PTPRT: variants seen among roughly 807,000 people sequenced by gnomAD.
PTPRT encodes the protein receptor-type tyrosine-protein phosphatase T.
A neutral mutation model predicts 176.8 loss-of-function variants in PTPRT; 56 were observed. The ratio of observed to expected loss-of-function variants is 0.32; its 90% CI spans 0.26 to 0.40. The LOEUF (loss-of-function observed/expected upper bound fraction) is 0.40, where lower values mean the gene tolerates loss of function less well. Among genes scored for constraint, PTPRT ranks in the 10% least tolerant of loss-of-function variants. The pLI is 1.00. For missense variants in PTPRT, 1,540 were observed against 1,908.2 expected (o/e 0.81, Z 3.60); for synonymous variants, 783 against 739.0 (o/e 1.06, Z -0.96).
chr20:42,184,547 T>TCTTCTTCTTCTTCTTCTTCG (rs1568652207), intron 16 of PTPRT, among the ~76,000 whole-genome samples: 2 of 105,278 alleles, frequency 1.9e-5, no homozygotes, highest in African/African-American at 8.6e-5. Context: ...CTTCCTCTTC[T>TCTTCTTCTTCTTCTTCTTCG]TCTTCTTCTT....
chr20:42,954,250 G>A (rs1981472367), intron 1 of PTPRT, among the ~76,000 whole-genome samples: 1 of 152,184 alleles, frequency 6.6e-6, no homozygotes, highest in Admixed American at 6.5e-5. Flanking sequence ...GACCTTGCAA[G>A]CAGATCAGAT....
At chr20:42,517,571 G>A (rs1216914985) in intron 7 of PTPRT, among the ~76,000 whole-genome samples, 1 of 151,858 alleles carries the variant, frequency 6.6e-6, no homozygotes, top group Admixed American at 6.6e-5. Flanking sequence ...TTTGAAGTGT[G>A]ATGCATAGTC....
chr20:43,133,899 C>T (rs117176545), intron 1 of PTPRT, among the ~76,000 whole-genome samples: 1,946 of 152,266 alleles, frequency 0.013, 16 homozygotes, highest in East Asian at 0.042. Flanking sequence ...ACTGGCATTT[C>T]TCACAAGTTC....
the PTPRT span, among the ~76,000 whole-genome samples, chr20:42,043,966 G>A: frequency 6.6e-6 from 1 of 152,152 alleles, no homozygotes; most frequent in African/African-American, 2.4e-5. Flanking sequence ...GCTTTGTAAA[G>A]GAACAAGTAA....
chr20:43,179,321 T>C (rs977089634), intron 1 of PTPRT, among the ~76,000 whole-genome samples: 3 of 152,234 alleles, frequency 2.0e-5, no homozygotes, highest in Non-Finnish European at 4.4e-5. Context: ...CTATAACTTA[T>C]CATATTCTCT....
chr20:42,386,057 A>C (rs8125633), intron 9 of PTPRT, among the ~76,000 whole-genome samples: 21,315 of 152,198 alleles, frequency 0.14, 1,650 homozygotes, highest in East Asian at 0.24. Flanking sequence ...CACATATATA[A>C]AGCTTTGAAT....
chr20:42,820,539 G>T (rs886987865), intron 2 of PTPRT, among the ~76,000 whole-genome samples: 8 of 151,968 alleles, frequency 5.3e-5, no homozygotes, highest in Non-Finnish European at 8.8e-5. Flanking sequence ...TAATCCAAAA[G>T]CTAGCAGAAG....
chr20:42,682,305 G>A (rs2075617058), intron 6 of PTPRT, among the ~76,000 whole-genome samples: 1 of 152,160 alleles, frequency 6.6e-6, no homozygotes, highest in Non-Finnish European at 1.5e-5. Flanking sequence ...ATATGGATAT[G>A]TGACTCACTG....
chr20:42,187,298 A>G (rs1028690282), intron 16 of PTPRT, among the ~76,000 whole-genome samples: 5 of 152,148 alleles, frequency 3.3e-5, no homozygotes, highest in Admixed American at 6.5e-5. Flanking sequence ...ACATCTGTCT[A>G]TTCTACAGGT....
At chr20:42,478,466 C>T (rs973937545) in intron 7 of PTPRT, among the ~76,000 whole-genome samples, 5 of 152,078 alleles carry the variant, frequency 3.3e-5, no homozygotes, top group African/African-American at 4.8e-5. Context: ...TCCTAATACC[C>T]GAGCCCACCC....
chr20:42,370,237 G>A (rs1600906716), intron 9 of PTPRT, among the ~76,000 whole-genome samples: 1 of 152,202 alleles, frequency 6.6e-6, no homozygotes, highest in African/African-American at 2.4e-5. Flanking sequence ...AACAGCCCAG[G>A]AAGCAGCTGT....
chr20:43,163,566 A>G (rs1175735011), intron 1 of PTPRT, among the ~76,000 whole-genome samples: 1 of 151,902 alleles, frequency 6.6e-6, no homozygotes, highest in African/African-American at 2.4e-5. Flanking sequence ...TGAACCCAGG[A>G]GGCAGAGCTT....
chr20:43,177,746 C>A (rs944299113), intron 1 of PTPRT, among the ~76,000 whole-genome samples: 2 of 152,210 alleles, frequency 1.3e-5, no homozygotes, highest in African/African-American at 2.4e-5. Flanking sequence ...AGAAGTCTGA[C>A]TTCATCAAGT....
intron 6 of PTPRT, among the ~76,000 whole-genome samples, chr20:42,754,155 C>A (rs1353197894): frequency 6.6e-6 from 1 of 151,740 alleles, no homozygotes; most frequent in Non-Finnish European, 1.5e-5. Context: ...CCCTGTGTCA[C>A]ATAATACAAA....
chr20:42,992,411 C>G (rs1463061664), intron 1 of PTPRT, among the ~76,000 whole-genome samples: 1 of 152,216 alleles, frequency 6.6e-6, no homozygotes, highest in African/African-American at 2.4e-5. Flanking sequence ...GGAGGAAACT[C>G]AGTCTATTGG....
intron 1 of PTPRT, among the ~76,000 whole-genome samples, chr20:42,947,075 C>A (rs1233284241): frequency 6.6e-6 from 1 of 152,166 alleles, no homozygotes; most frequent in African/African-American, 2.4e-5. Context: ...GGATTTTGAG[C>A]CGTGCTTCCA....
chr20:42,404,963 G>T (rs1321655592), intron 9 of PTPRT, among the ~76,000 whole-genome samples: 2 of 27,072 alleles, frequency 7.4e-5, no homozygotes, highest in East Asian at 7.9e-4. Context: ...TGAATAGAGG[G>T]CCAATTAATT....
chr20:42,908,319 C>A (rs2079504647), intron 1 of PTPRT, among the ~76,000 whole-genome samples: 1 of 152,018 alleles, frequency 6.6e-6, no homozygotes, highest in Non-Finnish European at 1.5e-5. Flanking sequence ...ATCTTAAACA[C>A]CTTAGGGAGG....
rs572132226 is a variant in PTPRT, at chr20:42,489,190, G to C, written c.1154-16628C>G. Among the ~76,000 whole-genome samples the C allele has an allele frequency of 3.4e-4, 52 of 151,660 alleles. 1 individual carries two copies. The highest frequency in any genetic ancestry group is 1.2e-3 in the African/African-American group (49 of 41,360). On this transcript the variant is annotated intron_variant, in intron 7 of 30. Transcript: ENST00000373187. ...TATGTATACATGTTGTTATTTTTTTGAAATGTCTCCCTAATGGTAGACATG... is the reference window on the plus strand; with the variant it reads ...TATGTATACATGTTGTTATTTTTTTCAAATGTCTCCCTAATGGTAGACATG...
Sources: gnomAD v4.1 joint callset for allele counts (sites outside exome capture counted in the v4.1 genomes callset) on GRCh38, gnomAD v4.1.1 for gene constraint, MANE v1.5 for transcripts, NCBI Gene and HGNC (gene_info 2026-07-23, HGNC 2026-07-21) for gene names.